ST6GALNAC3: variants seen among roughly 807,000 people sequenced by gnomAD.
The protein encoded by ST6GALNAC3 is alpha-N-acetylgalactosaminide alpha-2,6-sialyltransferase 3.
Under a neutral mutation model 32.7 loss-of-function variants are expected in ST6GALNAC3, and 25 were observed. The observed-to-expected ratio is 0.76, with a 90% CI of 0.56 to 1.07. The LOEUF is 1.07. Among genes scored for constraint, ST6GALNAC3 ranks in the 50% least tolerant of loss-of-function variants. The probability of loss-of-function intolerance (pLI) is 0.00; values close to 1 mark genes in which losing one functional copy is unlikely to be tolerated. For missense variants in ST6GALNAC3, 355 were observed against 382.4 expected (o/e 0.93, Z 0.60); for synonymous variants, 129 against 133.1 (o/e 0.97, Z 0.21).
chr1:76,462,002 G>T (rs759642211), intron 3 of ST6GALNAC3, among the ~76,000 whole-genome samples: 5 of 152,086 alleles, frequency 3.3e-5, no homozygotes, highest in Non-Finnish European at 7.4e-5. Flanking sequence ...TGGGCAGTGT[G>T]TCTGACTTTC....
chr1:76,335,226 A>G (rs1162043599), intron 2 of ST6GALNAC3, among the ~76,000 whole-genome samples: 1 of 152,192 alleles, frequency 6.6e-6, no homozygotes, highest in Non-Finnish European at 1.5e-5. Context: ...GAGCTCCTTC[A>G]TACCTGGCGG....
intron 1 of ST6GALNAC3, among the ~76,000 whole-genome samples, chr1:76,175,127 G>A (rs1006244880): frequency 4.0e-5 from 6 of 151,682 alleles, no homozygotes; most frequent in African/African-American, 1.2e-4. Flanking sequence ...CTTCTTCCAC[G>A]TCTTTGATTA....
At chr1:76,543,419 A>AC (rs1664109017) in intron 3 of ST6GALNAC3, among the ~76,000 whole-genome samples, 1 of 152,238 alleles carries the variant, frequency 6.6e-6, no homozygotes, top group African/African-American at 2.4e-5. Context: ...GAATTGGGAT[A>AC]CTGTAGAGCC....
intron 3 of ST6GALNAC3, among the ~76,000 whole-genome samples, chr1:76,616,774 G>A (rs1356165158): frequency 6.6e-6 from 1 of 152,060 alleles, no homozygotes; most frequent in Admixed American, 6.5e-5. Flanking sequence ...GGGTTGCTGG[G>A]GGTATCACTT....
rs140222615 is a variant in ST6GALNAC3 at position 76,396,230 on chromosome 1, C to T, written c.214-15778C>T. 6.8e-3 allele frequency among the ~76,000 whole-genome samples: 1,029 copies of T among 152,240 alleles called. 11 individuals are homozygous for T. Among genetic ancestry groups the T allele is most frequent in the East Asian group, 0.017 (90 of 5,170 alleles). On this transcript the variant is annotated intron_variant, in intron 2 of 4. Transcript: ENST00000328299. ...CTGTAGTTCCAGCATTTTGGAAGAC[C>T]AAGGTGGGAGGATTGCATGAGTCCA... is the stretch of plus-strand genomic sequence containing the variant.
chr1:76,415,360 A>ACCCTC, intron 3 of ST6GALNAC3, among the ~76,000 whole-genome samples: 1 of 151,840 alleles, frequency 6.6e-6, no homozygotes, highest in East Asian at 1.9e-4. Context: ...GATATATTTT[A>ACCCTC]TTAAGAGTAA....
intron 1 of ST6GALNAC3, among the ~76,000 whole-genome samples, chr1:76,298,049 G>A (rs544800651): frequency 3.9e-5 from 6 of 152,010 alleles, no homozygotes; most frequent in African/African-American, 1.4e-4. Context: ...GCTTACCATG[G>A]TTAAAGTATA....
At chr1:76,160,513 A>G (rs1651740179) in intron 1 of ST6GALNAC3, among the ~76,000 whole-genome samples, 1 of 152,180 alleles carries the variant, frequency 6.6e-6, no homozygotes. Context: ...CACAGAGTGA[A>G]GAAAGAGGTG....
chr1:76,453,927 C>A (rs958207962), intron 3 of ST6GALNAC3, among the ~76,000 whole-genome samples: 1 of 152,016 alleles, frequency 6.6e-6, no homozygotes, highest in African/African-American at 2.4e-5. Context: ...TTTCTTAGGT[C>A]TAGAAGTAAC....
intron 3 of ST6GALNAC3, among the ~76,000 whole-genome samples, chr1:76,445,050 G>A (rs538127995): frequency 1.3e-5 from 2 of 152,312 alleles, no homozygotes; most frequent in East Asian, 3.9e-4. Context: ...TTTGTGGTTA[G>A]TATGTGCAAC....
At chr1:76,364,627 G>T (rs1650224520) in intron 2 of ST6GALNAC3, among the ~76,000 whole-genome samples, 1 of 151,402 alleles carries the variant, frequency 6.6e-6, no homozygotes, top group African/African-American at 2.4e-5. Context: ...GAATCTACAA[G>T]GAACTCAACA....
intron 1 of ST6GALNAC3, among the ~76,000 whole-genome samples, chr1:76,165,303 G>T (rs1652052734): frequency 6.6e-6 from 1 of 152,130 alleles, no homozygotes; most frequent in Non-Finnish European, 1.5e-5. Context: ...GTTTGCTAAG[G>T]ATAATGGCCT....
At chr1:76,124,123 GA>G in intron 1 of ST6GALNAC3, among the ~76,000 whole-genome samples, 1 of 152,068 alleles carries the variant, frequency 6.6e-6, no homozygotes, top group Admixed American at 6.6e-5. Context: ...AAAATGAAAA[GA>G]AAAGAAAAGG....
At chr1:76,256,947 A>G (rs771814752) in intron 1 of ST6GALNAC3, among the ~76,000 whole-genome samples, 4 of 152,144 alleles carry the variant, frequency 2.6e-5, no homozygotes, top group African/African-American at 4.8e-5. Flanking sequence ...AACTTATAAA[A>G]CCAGATGTCT....
chr1:76,525,804 T>TAC (rs1557528943), intron 3 of ST6GALNAC3, among the ~76,000 whole-genome samples: 10 of 69,990 alleles, frequency 1.4e-4, no homozygotes, highest in African/African-American at 7.9e-4. Flanking sequence ...TATATATATA[T>TAC]ATATATATAT....
intron 1 of ST6GALNAC3, among the ~76,000 whole-genome samples, chr1:76,242,916 C>T (rs549240534): frequency 1.1e-4 from 17 of 152,234 alleles, no homozygotes; most frequent in Non-Finnish European, 2.2e-4. Context: ...AATAAGCATA[C>T]GTGTGCATAT....
At chr1:76,269,134 A>G (rs1570637852) in intron 1 of ST6GALNAC3, among the ~76,000 whole-genome samples, 1 of 152,220 alleles carries the variant, frequency 6.6e-6, no homozygotes, top group African/African-American at 2.4e-5. Flanking sequence ...CATCTCCAGG[A>G]AAGTGTATAT....
At chr1:76,413,317 T>C (rs1423316796) in intron 3 of ST6GALNAC3, among the ~76,000 whole-genome samples, 2 of 152,182 alleles carry the variant, frequency 1.3e-5, no homozygotes, top group African/African-American at 4.8e-5. Flanking sequence ...AGGGAAGATA[T>C]TGAAACCAAT....
chr1:76,482,481 C>G (rs776886601), intron 3 of ST6GALNAC3, among the ~76,000 whole-genome samples: 4 of 152,166 alleles, frequency 2.6e-5, no homozygotes, highest in Non-Finnish European at 5.9e-5. Flanking sequence ...TGTCAAATAA[C>G]TCACTTTACC....
Sources: gnomAD v4.1 joint callset for allele counts (sites outside exome capture counted in the v4.1 genomes callset) on GRCh38, gnomAD v4.1.1 for gene constraint, MANE v1.5 for transcripts, NCBI Gene and HGNC (gene_info 2026-07-23, HGNC 2026-07-21) for gene names.